DSCAM: variants seen among roughly 807,000 people sequenced by gnomAD.
DSCAM encodes cell adhesion molecule DSCAM.
In DSCAM, 47 loss-of-function variants were observed where a neutral mutation model predicts 217.7. That is an observed-to-expected ratio of 0.22 (90% CI 0.17 to 0.28). DSCAM has a LOEUF of 0.28. Among genes scored for constraint, DSCAM ranks in the 10% least tolerant of loss-of-function variants. The pLI is 1.00. For synonymous variants in DSCAM, 1,056 were observed against 1,015.3 expected, an observed-to-expected ratio of 1.04 and a Z score of -0.76; for missense variants, 2,080 against 2,618.3, an observed-to-expected ratio of 0.79 and a Z score of 4.49.
chr21:40,317,393 A>G (rs150024805), intron 8 of DSCAM, among the ~76,000 whole-genome samples: 63 of 152,356 alleles, frequency 4.1e-4, no homozygotes, highest in Middle Eastern at 6.8e-3. Context: ...TGATGACTCA[A>G]GTGAGTACAG....
intron 3 of DSCAM, among the ~76,000 whole-genome samples, chr21:40,662,936 AT>A (rs2090154501): frequency 6.6e-6 from 1 of 152,152 alleles, no homozygotes; most frequent in African/African-American, 2.4e-5. Context: ...GGGAAACAAA[AT>A]AAAAAGGGGA....
At chr21:40,070,074 C>T (rs1287735627) in intron 27 of DSCAM, among the ~76,000 whole-genome samples, 3 of 152,102 alleles carry the variant, frequency 2.0e-5, no homozygotes, top group Non-Finnish European at 2.9e-5. Flanking sequence ...TGCTCTTTTG[C>T]TTCCCGCTGT....
At chr21:40,658,342 T>C (rs1379826204) in intron 3 of DSCAM, among the ~76,000 whole-genome samples, 1 of 152,230 alleles carries the variant, frequency 6.6e-6, no homozygotes, top group Non-Finnish European at 1.5e-5. Flanking sequence ...ACTGACCTTC[T>C]AGCTTTTTGT....
intron 3 of DSCAM, among the ~76,000 whole-genome samples, chr21:40,620,308 G>GAGAGAGAGAAAAAAGAAAAAGAAAGAA (rs2089486035): frequency 9.3e-6 from 1 of 107,506 alleles, no homozygotes; most frequent in Admixed American, 9.0e-5. Flanking sequence ...AAAAGAAAGA[G>GAGAGAGAGAAAAAAGAAAAAGAAAGAA]AGAGAGAAAG....
intron 3 of DSCAM, among the ~76,000 whole-genome samples, chr21:40,665,746 T>C (rs2090192084): frequency 6.6e-6 from 1 of 152,242 alleles, no homozygotes; most frequent in Non-Finnish European, 1.5e-5. Flanking sequence ...GTGCCGGGTC[T>C]GGTCCATGGC....
At chr21:40,230,379 G>A (rs553250072) in intron 11 of DSCAM, among the ~76,000 whole-genome samples, 35 of 152,106 alleles carry the variant, frequency 2.3e-4, no homozygotes, top group South Asian at 2.1e-3. Flanking sequence ...AATAGAAATC[G>A]GACTATTCAG....
intron 1 of DSCAM, among the ~76,000 whole-genome samples, chr21:40,803,262 A>T (rs2091758077): frequency 6.6e-6 from 1 of 152,208 alleles, no homozygotes; most frequent in Non-Finnish European, 1.5e-5. Flanking sequence ...TTGCTTTACA[A>T]ATGCAAATGA....
At chr21:40,131,211 C>T (rs543284951) in intron 19 of DSCAM, among the ~76,000 whole-genome samples, 1 of 152,162 alleles carries the variant, frequency 6.6e-6, no homozygotes, top group Non-Finnish European at 1.5e-5. Flanking sequence ...GGCATTTGTT[C>T]TCTGAATTGT....
rs1349908027 is a variant in DSCAM at position 40,691,428 on chromosome 21, C to G, written c.508+1382G>C. On this transcript the variant is annotated intron_variant, in intron 3 of 32. Coordinates refer to ENST00000400454, the MANE Select transcript of DSCAM (RefSeq NM_001389.5). The stretch of plus-strand genomic sequence containing the variant: ...CACTCCCTGAACCTATACTCCCTTG[C>G]CATATAAATTGGAGGGCCTCTCCCC... 3.3e-5 allele frequency among the ~76,000 whole-genome samples: 5 copies of G among 152,312 alleles called. 1 individual carries two copies. The highest frequency in any genetic ancestry group is 3.3e-4 in the Admixed American group (5 of 15,304).
At chr21:40,540,767 G>C (rs1040628808) in intron 3 of DSCAM, among the ~76,000 whole-genome samples, 1 of 151,902 alleles carries the variant, frequency 6.6e-6, no homozygotes, top group Non-Finnish European at 1.5e-5. Flanking sequence ...ATCCCTCTTC[G>C]ATCAACTTCA....
intron 11 of DSCAM, among the ~76,000 whole-genome samples, chr21:40,197,211 C>A (rs892723013): frequency 1.3e-5 from 2 of 152,200 alleles, no homozygotes; most frequent in South Asian, 4.1e-4. Context: ...CTCCGCCTCC[C>A]GGGTTCACAC....
At chr21:40,141,141 C>T (rs1031132601) in intron 18 of DSCAM, among the ~76,000 whole-genome samples, 3 of 152,216 alleles carry the variant, frequency 2.0e-5, no homozygotes, top group Non-Finnish European at 4.4e-5. Flanking sequence ...TTTACTGTTG[C>T]ACCAACCGTG....
intron 3 of DSCAM, among the ~76,000 whole-genome samples, chr21:40,477,469 A>G (rs963967941): frequency 1.2e-4 from 18 of 152,320 alleles, no homozygotes; most frequent in Middle Eastern, 3.4e-3. Flanking sequence ...TTGAAGTTCC[A>G]AAGGACGTGT....
At chr21:40,645,538 T>C (rs969074995) in intron 3 of DSCAM, among the ~76,000 whole-genome samples, 2 of 152,172 alleles carry the variant, frequency 1.3e-5, no homozygotes, top group African/African-American at 4.8e-5. Context: ...ATCCACTATT[T>C]AGTAAAGACT....
At chr21:40,750,547 G>A (rs2091217705) in intron 1 of DSCAM, among the ~76,000 whole-genome samples, 1 of 151,994 alleles carries the variant, frequency 6.6e-6, no homozygotes, top group Non-Finnish European at 1.5e-5. Context: ...CGTTCTGAAG[G>A]TTTTTAGTAT....
chr21:40,060,135 A>G (rs914872334), intron 28 of DSCAM, among the ~76,000 whole-genome samples: 2 of 152,220 alleles, frequency 1.3e-5, no homozygotes, highest in Non-Finnish European at 2.9e-5. Flanking sequence ...TTTGAAGGAA[A>G]ACCACTGTAA....
At chr21:40,781,980 C>G (rs1365011757) in intron 1 of DSCAM, among the ~76,000 whole-genome samples, 1 of 100,504 alleles carries the variant, frequency 9.9e-6, no homozygotes, top group Non-Finnish European at 1.9e-5. Context: ...AACCCCATCT[C>G]TACTAAAAAT....
chr21:40,543,967 G>A (rs1014333220), intron 3 of DSCAM, among the ~76,000 whole-genome samples: 1 of 152,012 alleles, frequency 6.6e-6, no homozygotes, highest in Admixed American at 6.6e-5. Flanking sequence ...TCTTTCAAAA[G>A]CTAACTTTTT....
In DSCAM at chr21:40,142,499, G is replaced by T. The variant is rs1158383444; in HGVS notation, c.3406+59C>A. 4 of 1,597,820 alleles carry T rather than the reference G, an allele frequency of 2.5e-6. No individual in the cohort carries two copies. The Admixed American group carries it at 5.1e-5, about 20-fold the overall frequency. ...CCTTGTTAGGAACTAGGAGGGGTCT[G>T]CAAATTCCATCATGCATTCTCTGGA... On this transcript the variant is annotated intron_variant, in intron 18 of 32. Coordinates refer to ENST00000400454, the MANE Select transcript of DSCAM (RefSeq NM_001389.5).
Sources: gnomAD v4.1 joint callset for allele counts (sites outside exome capture counted in the v4.1 genomes callset) on GRCh38, gnomAD v4.1.1 for gene constraint, MANE v1.5 for transcripts, NCBI Gene and HGNC (gene_info 2026-07-23, HGNC 2026-07-21) for gene names.